Variants in ARHGAP17 observed in about 807,000 individuals in gnomAD.
ARHGAP17 encodes the protein Rho GTPase activating protein 17.
A neutral mutation model predicts 99.5 loss-of-function variants in ARHGAP17; 57 were observed. The observed-to-expected ratio is 0.57, with a 90% confidence interval of 0.46 to 0.71. The LOEUF (loss-of-function observed/expected upper bound fraction) is 0.71. Among genes scored for constraint, ARHGAP17 ranks in the 30% least tolerant of loss-of-function variants. The pLI, the probability that ARHGAP17 is intolerant of heterozygous loss-of-function variation, is 0.00. For synonymous variants in ARHGAP17, 417 were observed against 429.6 expected, an observed-to-expected ratio of 0.97 and a Z score of 0.36; for missense variants, 1,000 against 1,122.4, an observed-to-expected ratio of 0.89 and a Z score of 1.56.
chr16:24,963,268 C>T (rs544387382), intron 7 of ARHGAP17, among the ~76,000 whole-genome samples: 2 of 152,230 alleles, frequency 1.3e-5, no homozygotes, highest in South Asian at 4.1e-4. Context: ...AAAGGCATAA[C>T]TTTGTGAGTT....
In ARHGAP17 at chr16:24,919,449, C is replaced by T. The variant is rs865808118; in HGVS notation, c.*681G>A. On this transcript the variant is annotated 3_prime_UTR_variant, in exon 20 of 20. Transcript: ENST00000289968. Reference sequence around the variant, plus strand: ...TTAAACATGAAACTAGAATAATGTTCGGTCCTTATCAAGTAGCAATTACAT... The same window carrying T: ...TTAAACATGAAACTAGAATAATGTTTGGTCCTTATCAAGTAGCAATTACAT... 6 of 151,870 alleles carry T rather than the reference C, an allele frequency of 4.0e-5. No individual in the cohort carries two copies. Among genetic ancestry groups the T allele is most frequent in the African/African-American group, 9.7e-5 (4 of 41,174 alleles). 9.4% of individuals were successfully genotyped at this position (151,870 alleles called of 1,614,324 possible). A position where few individuals can be genotyped will look rare whatever the true frequency, so the allele number is the denominator to read the frequency against.
At position 24,920,217 on chromosome 16, in the gene ARHGAP17, A is replaced by C. The variant is rs770119620; in HGVS notation, c.2559T>G (p.Pro853=). The C allele has an allele frequency of 6.2e-7, 1 of 1,614,126 alleles. No homozygotes were observed. Among genetic ancestry groups the C allele is most frequent in the African/African-American group, 1.3e-5 (1 of 75,026 alleles). The change falls in exon 20 of 20, where the codon CCT becomes CCG. Residue 853 remains proline (P), a synonymous_variant. Transcript: ENST00000289968. ...TGCTGGCTGAGTCTGAGTGCATTTC[A>C]GGAAAGATGCTGCGATGCGGTTCTG... ...RVSEPHRSIF[P]EMHSDSASKD...
chr16:25,012,863 G>A (rs1010931357), intron 1 of ARHGAP17, among the ~76,000 whole-genome samples: 1 of 152,212 alleles, frequency 6.6e-6, no homozygotes, highest in South Asian at 2.1e-4. Context: ...TACAGCTCCA[G>A]CATGAATCAC....
At chr16:24,967,622 G>A (rs777409618) in intron 6 of ARHGAP17, among the ~76,000 whole-genome samples, 3 of 151,862 alleles carry the variant, frequency 2.0e-5, no homozygotes, top group Non-Finnish European at 2.9e-5. Context: ...GACCAGCCTG[G>A]GCAACACAGC....
intron 1 of ARHGAP17, among the ~76,000 whole-genome samples, chr16:24,998,663 G>C (rs2053270747): frequency 6.6e-6 from 1 of 152,222 alleles, no homozygotes; most frequent in Non-Finnish European, 1.5e-5. Flanking sequence ...CAGCCCAGCT[G>C]AGCTTGGAGG....
rs144166717 is a variant in ARHGAP17 at position 24,929,821 on chromosome 16, G to A, written c.2515+963C>T. On this transcript the variant is annotated intron_variant, in intron 19 of 19. Coordinates refer to ENST00000289968, the MANE Select transcript of ARHGAP17 (RefSeq NM_001006634.3). ...CAAAAGCTGTTAGAATCAGTTAACC[G>A]TCACCCTTTGGGTTAATGGAAACCT... is the stretch of plus-strand genomic sequence containing the variant. Among the ~76,000 whole-genome samples the A allele has an allele frequency of 2.3e-4, 35 of 152,248 alleles. 1 individual carries two copies. The highest frequency in any genetic ancestry group is 1.2e-3 in the Admixed American group (19 of 15,292).
chr16:25,002,958 G>A (rs1417553397), intron 1 of ARHGAP17, among the ~76,000 whole-genome samples: 1 of 136,486 alleles, frequency 7.3e-6, no homozygotes, highest in Non-Finnish European at 1.5e-5. Flanking sequence ...AGAATCGCTT[G>A]AACCCAGGAG....
chr16:24,987,653 G>A (rs537046428), intron 1 of ARHGAP17, among the ~76,000 whole-genome samples: 10 of 151,844 alleles, frequency 6.6e-5, no homozygotes, highest in Admixed American at 1.3e-4. Flanking sequence ...TGGCCGAGGC[G>A]CCAACACTAG....
Position 24,970,587 on chromosome 16 carries a change from G to C in ARHGAP17, c.199-7C>G. 6.2e-7 allele frequency: 1 copy of C among 1,611,658 alleles called. No individual in the cohort carries two copies. The highest frequency in any genetic ancestry group is 8.5e-7 in the Non-Finnish European group (1 of 1,177,692). On this transcript the variant is annotated splice_region_variant and splice_polypyrimidine_tract_variant and intron_variant, in intron 3 of 19. Transcript: ENST00000289968. ...CTGTCAGAGGCAGTTTTTTCTGGAA[G>C]ATAGAAGACAGTGTGTGTTTTTCTC... is the stretch of plus-strand genomic sequence containing the variant.
At position 24,949,549 on chromosome 16, in the gene ARHGAP17, T is replaced by G. The variant is rs146248602; in HGVS notation, c.1047-65A>C. ...CACCAATTATCTTATTAATATGCTATGTTAAAAATGAGGCCTCCATTTTGA... is the reference window on the plus strand; with the variant it reads ...CACCAATTATCTTATTAATATGCTAGGTTAAAAATGAGGCCTCCATTTTGA... On this transcript the variant is annotated intron_variant, in intron 12 of 19. Coordinates refer to ENST00000289968, the MANE Select transcript of ARHGAP17 (RefSeq NM_001006634.3). The G allele has an allele frequency of 6.0e-5, 85 of 1,407,600 alleles. No individual in the cohort carries two copies. In the South Asian group the frequency reaches 8.7e-4, roughly 14 times the overall value. 87.2% of individuals were successfully genotyped at this position (1,407,600 alleles called of 1,614,324 possible).
chr16:24,923,267 CATT>C (rs994210845), intron 19 of ARHGAP17, among the ~76,000 whole-genome samples: 4 of 152,152 alleles, frequency 2.6e-5, no homozygotes, highest in Non-Finnish European at 5.9e-5. Context: ...TATCCAAGAT[CATT>C]GTTTCAGTCT....
At chr16:24,938,343 G>A (rs376090252) in intron 17 of ARHGAP17, among the ~76,000 whole-genome samples, 1 of 150,536 alleles carries the variant, frequency 6.6e-6, no homozygotes, top group East Asian at 2.0e-4. Context: ...CAGCCTAGGC[G>A]ACAGAGTGGG....
At chr16:24,958,643 C>A (rs747207884) in intron 9 of ARHGAP17, among the ~76,000 whole-genome samples, 4 of 152,150 alleles carry the variant, frequency 2.6e-5, no homozygotes, top group Non-Finnish European at 5.9e-5. Context: ...TCCATAATCC[C>A]AAAATTTTCA....
At chr16:24,956,928 G>C (rs1311483297) in intron 9 of ARHGAP17, 1 of 152,140 alleles carries the variant, frequency 6.6e-6, no homozygotes, top group Admixed American at 6.5e-5. Context: ...GGTTGGAGGG[G>C]GTCTCATGAG....
At chr16:25,000,118 A>G (rs1202865830) in intron 1 of ARHGAP17, among the ~76,000 whole-genome samples, 1 of 152,224 alleles carries the variant, frequency 6.6e-6, no homozygotes, top group African/African-American at 2.4e-5. Flanking sequence ...CTCAAGTCCA[A>G]TACACTTTTT....
chr16:24,940,097 T>A (rs1444913135), intron 16 of ARHGAP17, among the ~76,000 whole-genome samples: 1 of 151,988 alleles, frequency 6.6e-6, no homozygotes. Flanking sequence ...AAAAAAAAAT[T>A]TTTTTTTGTA....
At chr16:24,964,735 T>C (rs2052120592) in intron 6 of ARHGAP17, among the ~76,000 whole-genome samples, 1 of 152,184 alleles carries the variant, frequency 6.6e-6, no homozygotes, top group Non-Finnish European at 1.5e-5. Flanking sequence ...TTTTGAGAAC[T>C]CCTTGTGGCT....
intron 19 of ARHGAP17, among the ~76,000 whole-genome samples, chr16:24,926,744 T>C (rs2050852781): frequency 6.6e-6 from 1 of 152,136 alleles, no homozygotes; most frequent in African/African-American, 2.4e-5. Flanking sequence ...CTAAATTATA[T>C]GAATGTATAT....
intron 1 of ARHGAP17, among the ~76,000 whole-genome samples, chr16:25,002,445 C>T (rs1204900607): frequency 6.6e-6 from 1 of 152,178 alleles, no homozygotes; most frequent in East Asian, 1.9e-4. Context: ...CTGGTCCTGA[C>T]TCCATCGGCT....
Sources: gnomAD v4.1 joint callset for allele counts (sites outside exome capture counted in the v4.1 genomes callset) on GRCh38, gnomAD v4.1.1 for gene constraint, MANE v1.5 for transcripts, NCBI Gene and HGNC (gene_info 2026-07-23, HGNC 2026-07-21) for gene names.